Variants in CSMD1 observed in about 807,000 individuals in gnomAD.
CSMD1 encodes CUB and Sushi multiple domains 1, also known as CUB and sushi domain-containing protein 1.
A neutral mutation model predicts 417.5 loss-of-function variants in CSMD1; 213 were observed. The ratio of observed to expected loss-of-function variants is 0.51; its 90% confidence interval spans 0.46 to 0.57. CSMD1 has a LOEUF of 0.57. Among genes scored for constraint, CSMD1 ranks in the 20% least tolerant of loss-of-function variants. The pLI is 0.00. For synonymous variants in CSMD1, 2,862 were observed against 1,736.8 expected, an observed-to-expected ratio of 1.65 and a Z score of -16.11; for missense variants, 6,923 against 4,529.7, an observed-to-expected ratio of 1.53 and a Z score of -15.17.
chr8:3,271,414 C>T (rs980783631), intron 26 of CSMD1, among the ~76,000 whole-genome samples: 1 of 151,726 alleles, frequency 6.6e-6, no homozygotes, highest in African/African-American at 2.4e-5. Context: ...TTTATAGCAG[C>T]ATGATTTATA....
At chr8:3,171,594 A>G (rs1293865200) in intron 37 of CSMD1, among the ~76,000 whole-genome samples, 3 of 152,186 alleles carry the variant, frequency 2.0e-5, no homozygotes, top group East Asian at 1.9e-4. Flanking sequence ...TGCAAGACCT[A>G]CTGTAGAACA....
intron 25 of CSMD1, among the ~76,000 whole-genome samples, chr8:3,294,121 G>T (rs1490042828): frequency 1.3e-5 from 2 of 152,212 alleles, no homozygotes; most frequent in Non-Finnish European, 2.9e-5. Flanking sequence ...GGTATCAGCA[G>T]CAGAGACTGC....
At chr8:4,144,302 C>G (rs1042401805) in intron 3 of CSMD1, among the ~76,000 whole-genome samples, 1 of 151,008 alleles carries the variant, frequency 6.6e-6, no homozygotes, top group Admixed American at 6.6e-5. Context: ...ACAGGATACC[C>G]CACTTAAACA....
intron 5 of CSMD1, among the ~76,000 whole-genome samples, chr8:3,834,399 A>G (rs1802552493): frequency 6.6e-6 from 1 of 152,036 alleles, no homozygotes; most frequent in Non-Finnish European, 1.5e-5. Context: ...GTGCCTGCAC[A>G]GTAAAACCCC....
At chr8:4,966,027 A>T (rs913885695) in intron 1 of CSMD1, among the ~76,000 whole-genome samples, 1 of 152,046 alleles carries the variant, frequency 6.6e-6, no homozygotes, top group Non-Finnish European at 1.5e-5. Context: ...TATGATATGC[A>T]AGTATTTTTA....
At chr8:3,634,691 G>C (rs1238493719) in intron 7 of CSMD1, among the ~76,000 whole-genome samples, 5 of 150,434 alleles carry the variant, frequency 3.3e-5, no homozygotes, top group African/African-American at 1.0e-4. Flanking sequence ...TGAAATGAAA[G>C]GTGTGATTAG....
At chr8:3,451,975 C>A (rs867624822) in intron 12 of CSMD1, among the ~76,000 whole-genome samples, 27 of 150,032 alleles carry the variant, frequency 1.8e-4, no homozygotes, top group South Asian at 4.2e-4. Context: ...ATTTGTTTGT[C>A]TCCTCTTTTA....
chr8:3,420,027 A>G (rs900481396), intron 12 of CSMD1, among the ~76,000 whole-genome samples: 2 of 152,208 alleles, frequency 1.3e-5, no homozygotes, highest in African/African-American at 4.8e-5. Flanking sequence ...AAGCCAATGC[A>G]CAGTGCCTAA....
intron 10 of CSMD1, among the ~76,000 whole-genome samples, chr8:3,507,112 T>C (rs1796859664): frequency 6.6e-6 from 1 of 152,158 alleles, no homozygotes; most frequent in Non-Finnish European, 1.5e-5. Flanking sequence ...ATTATAAAAA[T>C]CATAGAAATT....
At chr8:4,801,891 A>G (rs955613864) in intron 1 of CSMD1, among the ~76,000 whole-genome samples, 2 of 152,210 alleles carry the variant, frequency 1.3e-5, no homozygotes, top group South Asian at 2.1e-4. Flanking sequence ...TTTTAAGCAT[A>G]GGTACTATTT....
intron 3 of CSMD1, among the ~76,000 whole-genome samples, chr8:4,228,662 C>T (rs979257354): frequency 4.0e-5 from 6 of 148,808 alleles, no homozygotes; most frequent in African/African-American, 7.4e-5. Flanking sequence ...AGATGACTAT[C>T]GATTGTTTTA....
chr8:4,031,003 G>A (rs867587793), intron 4 of CSMD1, among the ~76,000 whole-genome samples: 35 of 151,940 alleles, frequency 2.3e-4, no homozygotes, highest in African/African-American at 7.5e-4. Flanking sequence ...ATCTCCATCC[G>A]AGACCACCTC....
intron 5 of CSMD1, among the ~76,000 whole-genome samples, chr8:3,896,959 T>C (rs1807413791): frequency 6.6e-6 from 1 of 152,042 alleles, no homozygotes; most frequent in African/African-American, 2.4e-5. Context: ...TAATGAAATC[T>C]GCTTAACATG....
chr8:3,825,691 TC>T (rs1337880705), intron 5 of CSMD1, among the ~76,000 whole-genome samples: 11 of 152,054 alleles, frequency 7.2e-5, no homozygotes, highest in Admixed American at 1.3e-4. Flanking sequence ...AAGAGCTCCC[TC>T]AAAGACATAG....
At chr8:4,341,343 G>T (rs752402867) in intron 3 of CSMD1, among the ~76,000 whole-genome samples, 4 of 152,026 alleles carry the variant, frequency 2.6e-5, no homozygotes, top group African/African-American at 9.7e-5. Context: ...TTTTCACATT[G>T]AATTCTGAGA....
At chr8:3,893,363 T>TATATATATATATATATATATATATATC (rs1563185043) in intron 5 of CSMD1, among the ~76,000 whole-genome samples, 1 of 28,820 alleles carries the variant, frequency 3.5e-5, no homozygotes, top group Non-Finnish European at 1.0e-4. Flanking sequence ...ATATATATAT[T>TATATATATATATATATATATATATATC]ATTTTTTTTC....
At chr8:4,406,453 T>C (rs1272173518) in intron 3 of CSMD1, among the ~76,000 whole-genome samples, 3 of 152,220 alleles carry the variant, frequency 2.0e-5, no homozygotes, top group Non-Finnish European at 4.4e-5. Flanking sequence ...AAATTTCTGA[T>C]AAATCTACTC....
intron 3 of CSMD1, among the ~76,000 whole-genome samples, chr8:4,035,130 C>T (rs556124087): frequency 2.3e-4 from 35 of 152,168 alleles, no homozygotes; most frequent in Non-Finnish European, 4.3e-4. Context: ...CTCAATGATA[C>T]GACTCATATA....
intron 7 of CSMD1, among the ~76,000 whole-genome samples, chr8:3,672,960 T>C (rs922690432): frequency 1.3e-5 from 2 of 152,232 alleles, no homozygotes; most frequent in Non-Finnish European, 2.9e-5. Flanking sequence ...CTTATCTCGT[T>C]ATTCCTATGC....
Sources: allele counts gnomAD v4.1 joint callset (sites outside exome capture counted in the v4.1 genomes callset), GRCh38; gene constraint gnomAD v4.1.1; transcripts MANE v1.5; gene names NCBI Gene and HGNC (gene_info 2026-07-23, HGNC 2026-07-21).